The following RBMS3 variants were observed in gnomAD, a reference collection of about 807,000 sequenced individuals.
The protein encoded by RBMS3 is RNA-binding motif, single-stranded-interacting protein 3.
RBMS3 carries 27 observed loss-of-function variants against 66.8 expected under a neutral mutation model. That is an observed-to-expected ratio of 0.40 (90% confidence interval 0.30 to 0.56). The LOEUF is 0.56. Among genes scored for constraint, RBMS3 ranks in the 20% least tolerant of loss-of-function variants. RBMS3 has a pLI of 0.40. For synonymous variants in RBMS3, 188 were observed against 183.0 expected, an observed-to-expected ratio of 1.03 and a Z score of -0.22; for missense variants, 513 against 549.5, an observed-to-expected ratio of 0.93 and a Z score of 0.66.
intron 4 of RBMS3, among the ~76,000 whole-genome samples, chr3:29,660,736 T>C (rs2050512806): frequency 6.6e-6 from 1 of 152,216 alleles, no homozygotes; most frequent in South Asian, 2.1e-4. Context: ...TGCACCTTTC[T>C]CAGGGCATGT....
Position 29,463,029 on chromosome 3 carries a change from A to G in RBMS3, c.249-25412A>G, listed in dbSNP as rs115241214. On this transcript the variant is annotated intron_variant, in intron 2 of 14. Coordinates refer to ENST00000383767, the MANE Select transcript of RBMS3 (RefSeq NM_001003793.3). ...TTAAATCTCATGAAGGGAAAGGCAC[A>G]TGAACTACTAAAATCTGTGGAAGAA... Among the ~76,000 whole-genome samples the G allele has an allele frequency of 3.6e-3, 550 of 152,330 alleles. 2 individuals carry two copies. The highest frequency in any genetic ancestry group is 0.013 in the African/African-American group (527 of 41,580).
At chr3:29,856,499 C>T (rs139135460) in intron 6 of RBMS3, among the ~76,000 whole-genome samples, 37 of 152,184 alleles carry the variant, frequency 2.4e-4, no homozygotes, top group African/African-American at 6.5e-4. Context: ...GGAGTTTGGA[C>T]GTTATCCGAT....
chr3:29,952,105 A>G (rs1189562880), intron 12 of RBMS3, among the ~76,000 whole-genome samples: 4 of 151,866 alleles, frequency 2.6e-5, no homozygotes, highest in Non-Finnish European at 5.9e-5. Flanking sequence ...GAAAATGAAA[A>G]TAAAGATGAT....
rs543368125 is a variant in RBMS3, at chr3:29,907,451, A to T, written c.939+7696A>T. 7.9e-5 allele frequency among the ~76,000 whole-genome samples: 12 copies of T among 152,136 alleles called. No individual in the cohort carries two copies. In the South Asian group the frequency reaches 1.0e-3, roughly 13 times the overall value. On this transcript the variant is annotated intron_variant, in intron 10 of 14. Coordinates refer to ENST00000383767, the MANE Select transcript of RBMS3 (RefSeq NM_001003793.3). The stretch of plus-strand genomic sequence containing the variant: ...GAATTATTTTTTAATTTAGGTGTAG[A>T]TGTTGAACTTAATCAAAGTTTTTTT...
chr3:29,708,405 T>C (rs2053006654), intron 4 of RBMS3, among the ~76,000 whole-genome samples: 1 of 152,164 alleles, frequency 6.6e-6, no homozygotes, highest in African/African-American at 2.4e-5. Context: ...GGCAAGAAAA[T>C]TAAGAATTAC....
intron 1 of RBMS3, among the ~76,000 whole-genome samples, chr3:29,343,387 C>G (rs1039505765): frequency 2.6e-5 from 4 of 151,682 alleles, no homozygotes; most frequent in Non-Finnish European, 4.4e-5. Flanking sequence ...CAAAGAAGAA[C>G]AATGCAATTT....
At chr3:29,820,376 G>A (rs958402826) in intron 6 of RBMS3, among the ~76,000 whole-genome samples, 3 of 151,778 alleles carry the variant, frequency 2.0e-5, no homozygotes, top group Non-Finnish European at 4.4e-5. Flanking sequence ...TTTTCTATTA[G>A]AGGATTGATA....
intron 7 of RBMS3, among the ~76,000 whole-genome samples, chr3:29,877,550 C>G (rs1297562130): frequency 3.9e-5 from 6 of 152,164 alleles, no homozygotes; most frequent in Admixed American, 3.9e-4. Flanking sequence ...TGTCTTATCT[C>G]AGACTGCATA....
At chr3:29,828,977 A>ACTTTCTTT (rs368382303) in intron 6 of RBMS3, among the ~76,000 whole-genome samples, 1,858 of 98,476 alleles carry the variant, frequency 0.019, 29 homozygotes, top group East Asian at 0.026. Context: ...TTAGCGAGTG[A>ACTTTCTTT]CTTTCTTTCT....
chr3:29,702,902 A>C (rs1249504509), intron 4 of RBMS3, among the ~76,000 whole-genome samples: 1 of 152,340 alleles, frequency 6.6e-6, no homozygotes, highest in East Asian at 1.9e-4. Context: ...GAAGTCAGTG[A>C]GACCAAGAAC....
At chr3:29,598,803 CCTA>C (rs1375539660) in intron 4 of RBMS3, among the ~76,000 whole-genome samples, 1 of 151,938 alleles carries the variant, frequency 6.6e-6, no homozygotes, top group African/African-American at 2.4e-5. Flanking sequence ...TCCTATAATA[CCTA>C]ATGCTTAACT....
chr3:29,647,434 C>T (rs74754187), intron 4 of RBMS3, among the ~76,000 whole-genome samples: 3,101 of 152,208 alleles, frequency 0.02, 40 homozygotes, highest in Middle Eastern at 0.034. Context: ...AAAAAAGCTA[C>T]GATTCAAAGT....
At chr3:29,646,130 C>A (rs1186030517) in intron 4 of RBMS3, among the ~76,000 whole-genome samples, 1 of 152,196 alleles carries the variant, frequency 6.6e-6, no homozygotes, top group Admixed American at 6.5e-5. Flanking sequence ...AATTCATTCA[C>A]ATTAAATACA....
At chr3:29,701,521 T>C (rs1349294119) in intron 4 of RBMS3, among the ~76,000 whole-genome samples, 2 of 151,988 alleles carry the variant, frequency 1.3e-5, no homozygotes, top group Non-Finnish European at 2.9e-5. Context: ...TGGGAGCCCC[T>C]CTCTGGGCTG....
At chr3:29,606,544 G>A (rs1203993631) in intron 4 of RBMS3, among the ~76,000 whole-genome samples, 2 of 151,830 alleles carry the variant, frequency 1.3e-5, no homozygotes, top group East Asian at 3.9e-4. Context: ...GACTCTCTTT[G>A]TATAAAGCAT....
At chr3:29,368,817 A>C (rs2125596759) in intron 1 of RBMS3, among the ~76,000 whole-genome samples, 1 of 152,306 alleles carries the variant, frequency 6.6e-6, no homozygotes, top group South Asian at 2.1e-4. Context: ...CAATCCCATT[A>C]CTGAGTATAT....
intron 4 of RBMS3, among the ~76,000 whole-genome samples, chr3:29,602,987 C>T (rs62237668): frequency 0.15 from 22,160 of 151,816 alleles, 1,848 homozygotes; most frequent in East Asian, 0.32. Flanking sequence ...TCTCATAGAA[C>T]CTTCTTCATT....
Position 29,648,526 on chromosome 3 carries a change from G to A in RBMS3, c.399+61321G>A, listed in dbSNP as rs571404937. ...GAGTTCAAGCCATTCTCCTATCTTG[G>A]CCTCCCAAAGTGCCGAGATTACAGA... On this transcript the variant is annotated intron_variant, in intron 4 of 14. Transcript: ENST00000383767. Among the ~76,000 whole-genome samples, 13 of 151,892 alleles carry A rather than the reference G, an allele frequency of 8.6e-5. 1 individual carries two copies. The highest frequency in any genetic ancestry group is 3.1e-4 in the African/African-American group (13 of 41,410).
At chr3:29,342,345 A>G (rs1212776439) in intron 1 of RBMS3, among the ~76,000 whole-genome samples, 1 of 152,174 alleles carries the variant, frequency 6.6e-6, no homozygotes, top group Non-Finnish European at 1.5e-5. Flanking sequence ...GTGGACAGAT[A>G]ATGGTAAATC....
Sources: gnomAD v4.1 joint callset for allele counts (sites outside exome capture counted in the v4.1 genomes callset) on GRCh38, gnomAD v4.1.1 for gene constraint, MANE v1.5 for transcripts, NCBI Gene and HGNC (gene_info 2026-07-23, HGNC 2026-07-21) for gene names.